The following PON2 variants were observed in gnomAD, a reference collection of about 807,000 sequenced individuals.
PON2 encodes paraoxonase 2, also known as serum paraoxonase/arylesterase 2.
A neutral mutation model predicts 36.6 loss-of-function variants in PON2; 27 were observed. That is an observed-to-expected ratio of 0.74 (90% confidence interval 0.54 to 1.02). The LOEUF (loss-of-function observed/expected upper bound fraction) is 1.02. Among genes scored for constraint, PON2 ranks in the 50% least tolerant of loss-of-function variants. The pLI is 0.00. For synonymous variants in PON2, 149 were observed against 156.3 expected (o/e 0.95, Z 0.35); for missense variants, 363 against 421.1 (o/e 0.86, Z 1.21).
At chr7:95,405,640 G>T in intron 8 of PON2, 152 bp from the exon 9 acceptor site, 1 of 801,514 alleles carries the variant, frequency 1.2e-6, no homozygotes, top group East Asian at 2.6e-5. Flanking sequence ...TTAAATTAAA[G>T]TACTTTCTCC....
In PON2 at chr7:95,412,845, CT is replaced by C. The variant is rs1391420734; in HGVS notation, c.202-369del. The C allele has an allele frequency of 5.6e-5, 18 of 318,632 alleles. No individual in the cohort carries two copies. The East Asian group carries it at 1.4e-3, about 24-fold the overall frequency. 19.7% of individuals were successfully genotyped at this position (318,632 alleles called of 1,614,324 possible). On this transcript the variant is annotated intron_variant, in intron 3 of 8. Transcript: ENST00000222572. ...AACAGTGCCTGGCATACAGTCCATCCTTCTCCCACTGATTCAAAATATCACC... is the reference window on the plus strand; with the variant it reads ...AACAGTGCCTGGCATACAGTCCATCCTCTCCCACTGATTCAAAATATCACC...
intron 1 of PON2, among the ~76,000 whole-genome samples, chr7:95,430,344 G>A (rs1402724516): frequency 6.7e-6 from 1 of 150,092 alleles, no homozygotes; most frequent in Non-Finnish European, 1.5e-5. Flanking sequence ...ACAGAGTCTC[G>A]CTCTGTTGCC....
chr7:95,406,908 G>A lies in PON2; in HGVS notation c.777+79C>T, dbSNP rs529048639. On this transcript the variant is annotated intron_variant, in intron 7 of 8. Transcript: ENST00000222572. ...CACTGGCATCCATATTTTGTTCTAC[G>A]TGTGGTACTCTTATAGAAAAACTAT... is the stretch of plus-strand genomic sequence containing the variant. 42 of 850,442 alleles carry A rather than the reference G, an allele frequency of 4.9e-5. No individual in the cohort carries two copies. The East Asian group carries it at 8.3e-4, about 17-fold the overall frequency. 52.7% of individuals were successfully genotyped at this position (850,442 alleles called of 1,614,324 possible). A position where few individuals can be genotyped will look rare whatever the true frequency, so the allele number is the denominator to read the frequency against.
At chr7:95,429,035 C>CT (rs879481006) in intron 1 of PON2, among the ~76,000 whole-genome samples, 222 of 143,796 alleles carry the variant, frequency 1.5e-3, no homozygotes, top group Non-Finnish European at 9.8e-4. Flanking sequence ...AAAGCATGAA[C>CT]TTTTTTTTTT....
chr7:95,423,376 T>TAAAAAAAAGGAAA, intron 2 of PON2, among the ~76,000 whole-genome samples: 1 of 151,530 alleles, frequency 6.6e-6, no homozygotes, highest in Non-Finnish European at 1.5e-5. Context: ...CAATATTTAT[T>TAAAAAAAAGGAAA]GTTCATTGAT....
At chr7:95,425,675 C>T (rs1048330530) in intron 1 of PON2, among the ~76,000 whole-genome samples, 17 of 152,156 alleles carry the variant, frequency 1.1e-4, no homozygotes, top group African/African-American at 4.1e-4. Context: ...GAGTATGGGG[C>T]AGGCTACCAG....
rs570881513 is a variant in PON2 at position 95,415,978 on chromosome 7, AAAAAC to A, written c.201+259_201+263del. On this transcript the variant is annotated intron_variant, in intron 3 of 8. Transcript: ENST00000222572. Reference sequence around the variant, plus strand: ...AAAAAATAAAAAAAATTAAAAAAGAAAAAACAAAACAAAACACAGATTGCATTGGA... The same window carrying A: ...AAAAAATAAAAAAAATTAAAAAAGAAAAAACAAAACACAGATTGCATTGGA... The A allele has an allele frequency of 7.5e-4, 459 of 610,870 alleles. 1 individual carries two copies. The highest frequency in any genetic ancestry group is 2.6e-3 in the South Asian group (112 of 42,486). The allele number at this position is 610,870 out of a possible 1,614,324, so 37.8% of individuals were successfully genotyped here. A position where few individuals can be genotyped will look rare whatever the true frequency, so the allele number is the denominator to read the frequency against.
chr7:95,412,749 T>C (rs937875516), intron 3 of PON2: 2 of 467,322 alleles, frequency 4.3e-6, no homozygotes, highest in Admixed American at 3.4e-5. Flanking sequence ...CAGGGAGAGC[T>C]GAGGGTGGAG....
At chr7:95,410,208 T>C in intron 5 of PON2, 107 bp from the exon 6 acceptor site, 1 of 968,412 alleles carries the variant, frequency 1.0e-6, no homozygotes, top group Non-Finnish European at 1.6e-6. Context: ...AAATTTTTGG[T>C]AAGAGGAAAA....
chr7:95,432,492 T>A (rs7794650), intron 1 of PON2, among the ~76,000 whole-genome samples: 3,155 of 152,290 alleles, frequency 0.021, 58 homozygotes, highest in Middle Eastern at 0.051. Context: ...TAAGTTTTAT[T>A]TACTTTTTCT....
intron 2 of PON2, 52 bp downstream of exon 2, chr7:95,424,463 T>A: frequency 6.9e-7 from 1 of 1,449,684 alleles, no homozygotes; most frequent in Non-Finnish European, 9.7e-7. Context: ...AGTGTTTTAA[T>A]GTTAATGGCC....
chr7:95,432,997 C>T (rs1585769342), intron 1 of PON2, among the ~76,000 whole-genome samples: 2 of 152,152 alleles, frequency 1.3e-5, no homozygotes, highest in East Asian at 3.9e-4. Context: ...CCCATGTCTG[C>T]TCTCTATTCT....
At chr7:95,409,642 A>T (rs1809814627) in intron 6 of PON2, 1 of 152,592 alleles carries the variant, frequency 6.6e-6, no homozygotes, top group African/African-American at 2.4e-5. Context: ...TATATTATAT[A>T]TAAATACATA....
intron 8 of PON2, 126 bp downstream of exon 8, chr7:95,405,990 AACC>A: frequency 9.0e-7 from 1 of 1,116,182 alleles, no homozygotes; most frequent in Non-Finnish European, 1.3e-6. Flanking sequence ...GCAATTACAA[AACC>A]ACGACATAAG....
intron 4 of PON2, 119 bp downstream of exon 4, chr7:95,412,193 A>G: frequency 1.5e-6 from 2 of 1,341,064 alleles, no homozygotes; most frequent in Non-Finnish European, 2.1e-6. Flanking sequence ...TGAAGAATAC[A>G]GAAATCACTC....
intron 2 of PON2, among the ~76,000 whole-genome samples, chr7:95,423,263 A>G (rs1789235423): frequency 6.7e-6 from 1 of 149,342 alleles, no homozygotes; most frequent in Admixed American, 6.7e-5. Flanking sequence ...TCAGGGCTGC[A>G]GTGAGCCAAG....
chr7:95,416,007 G>A, intron 3 of PON2: 1 of 667,354 alleles, frequency 1.5e-6, no homozygotes, highest in East Asian at 2.8e-5. Flanking sequence ...GATTGCATTG[G>A]AATATTTTAG....
intron 2 of PON2, among the ~76,000 whole-genome samples, chr7:95,417,705 A>T (rs1789099342): frequency 6.8e-6 from 1 of 147,516 alleles, no homozygotes; most frequent in African/African-American, 2.5e-5. Context: ...ACACACACAC[A>T]CACACACACA....
chr7:95,424,031 TG>T (rs1789256038), intron 2 of PON2: 1 of 177,936 alleles, frequency 5.6e-6, no homozygotes, highest in African/African-American at 2.4e-5. Context: ...GTGGGGATTA[TG>T]GGAACTACAA....
Sources: gnomAD v4.1 joint callset for allele counts (sites outside exome capture counted in the v4.1 genomes callset) on GRCh38, gnomAD v4.1.1 for gene constraint, MANE v1.5 for transcripts, NCBI Gene and HGNC (gene_info 2026-07-23, HGNC 2026-07-21) for gene names.